VPS39: variants seen among roughly 807,000 people sequenced by gnomAD.
VPS39 encodes the protein vam6/Vps39-like protein.
Under a neutral mutation model 121.0 loss-of-function variants are expected in VPS39, and 70 were observed. That is an observed-to-expected ratio of 0.58 (90% CI 0.48 to 0.71). The LOEUF is 0.71. Among genes scored for constraint, VPS39 ranks in the 30% least tolerant of loss-of-function variants. The pLI is 0.00. For missense variants in VPS39, 818 were observed against 1,051.5 expected (o/e 0.78, Z 3.07); for synonymous variants, 378 against 398.1 (o/e 0.95, Z 0.60).
intron 13 of VPS39, among the ~76,000 whole-genome samples, 180 bp downstream of exon 13, chr15:42,167,214 T>C (rs1316141217): frequency 2.6e-5 from 4 of 152,240 alleles, no homozygotes; most frequent in Admixed American, 2.6e-4. Flanking sequence ...CATTGATATC[T>C]TGCCCTATCC....
At chr15:42,181,131 C>T (rs992580594) in intron 8 of VPS39, among the ~76,000 whole-genome samples, 10 of 151,992 alleles carry the variant, frequency 6.6e-5, no homozygotes, top group African/African-American at 1.9e-4. Context: ...TATCCACGAA[C>T]GGATGGATAA....
At chr15:42,196,750 G>A (rs2049948914) in intron 2 of VPS39, among the ~76,000 whole-genome samples, 1 of 152,210 alleles carries the variant, frequency 6.6e-6, no homozygotes, top group African/African-American at 2.4e-5. Context: ...TTCAACCATT[G>A]TGGAAGACAG....
intron 1 of VPS39, among the ~76,000 whole-genome samples, chr15:42,206,348 G>C (rs2050170731): frequency 6.6e-6 from 1 of 152,192 alleles, no homozygotes; most frequent in Admixed American, 6.5e-5. Context: ...TGAAGCAGGA[G>C]GCAGTTAATG....
intron 11 of VPS39, 153 bp downstream of exon 11, chr15:42,173,570 G>T: frequency 1.1e-6 from 1 of 949,180 alleles, no homozygotes; most frequent in Non-Finnish European, 1.6e-6. Context: ...TGTAACCACT[G>T]TGGTCACCCC....
intron 17 of VPS39, 126 bp downstream of exon 17, chr15:42,165,592 A>C (rs1488563280): frequency 8.3e-6 from 6 of 725,526 alleles, no homozygotes; most frequent in Non-Finnish European, 1.4e-5. Context: ...GAGGAAGCTG[A>C]AATAACCCTC....
chr15:42,192,884 T>G (rs1000639469), intron 2 of VPS39, among the ~76,000 whole-genome samples: 12 of 152,182 alleles, frequency 7.9e-5, no homozygotes, highest in African/African-American at 2.9e-4. Flanking sequence ...GTTCAAGCAA[T>G]TCTCGTGCCC....
intron 2 of VPS39, among the ~76,000 whole-genome samples, chr15:42,192,873 G>C (rs1468971400): frequency 1.3e-5 from 2 of 152,010 alleles, no homozygotes; most frequent in Non-Finnish European, 2.9e-5. Flanking sequence ...CCACCTCCCG[G>C]GTTCAAGCAA....
intron 12 of VPS39, among the ~76,000 whole-genome samples, chr15:42,168,597 G>T (rs975736862): frequency 6.7e-6 from 1 of 149,708 alleles, no homozygotes; most frequent in Non-Finnish European, 1.5e-5. Flanking sequence ...AGGCTGAAGT[G>T]TAGTGGCGCA....
At chr15:42,185,623 A>T (rs934727808) in intron 7 of VPS39, among the ~76,000 whole-genome samples, 8 of 152,234 alleles carry the variant, frequency 5.3e-5, no homozygotes, top group African/African-American at 1.9e-4. Flanking sequence ...AAGTGAAAGA[A>T]GCCAGACTCA....
rs369317039 is a variant in VPS39, at chr15:42,159,163, G to A, written c.*1591C>T. Reference sequence around the variant, plus strand: ...GGGCTGCCCAGCCTCACAGGCCTGAGCAGAGTCTCCCACATCTGCGAATGG... The same window carrying A: ...GGGCTGCCCAGCCTCACAGGCCTGAACAGAGTCTCCCACATCTGCGAATGG... On this transcript the variant is annotated 3_prime_UTR_variant, in exon 25 of 25. Transcript: ENST00000318006. The A allele has an allele frequency of 6.6e-6, 1 of 152,402 alleles. No individual in the cohort carries two copies. Among genetic ancestry groups the A allele is most frequent in the African/African-American group, 2.4e-5 (1 of 41,582 alleles). The allele number at this position is 152,402 out of a possible 1,614,324, so 9.4% of individuals were successfully genotyped here.
At chr15:42,190,986 AC>A in intron 4 of VPS39, 138 bp downstream of exon 4, 1 of 887,166 alleles carries the variant, frequency 1.1e-6, no homozygotes, top group Non-Finnish European at 1.8e-6. Flanking sequence ...GCCTTTATTA[AC>A]CATGTACCCT....
chr15:42,164,654 C>T, intron 18 of VPS39, 168 bp from the exon 19 acceptor site: 1 of 1,436,816 alleles, frequency 7.0e-7, no homozygotes, highest in Middle Eastern at 2.6e-4. Flanking sequence ...CCATGTGGCC[C>T]CAAAACATCA....
At chr15:42,178,409 T>C (rs769234315) in intron 9 of VPS39, 41 bp downstream of exon 9, 3 of 1,613,944 alleles carry the variant, frequency 1.9e-6, no homozygotes, top group Non-Finnish European at 2.5e-6. Flanking sequence ...TTTACAACTT[T>C]GGGATAATAT....
chr15:42,175,432 A>G (rs1027841387), intron 10 of VPS39, among the ~76,000 whole-genome samples: 9 of 151,938 alleles, frequency 5.9e-5, no homozygotes, highest in African/African-American at 1.2e-4. Context: ...AAAGAAAGAA[A>G]AAAAACAGAA....
chr15:42,207,528 A>G (rs1007208861), intron 1 of VPS39, among the ~76,000 whole-genome samples: 1 of 152,314 alleles, frequency 6.6e-6, no homozygotes, highest in African/African-American at 2.4e-5. Flanking sequence ...GACACTTTGG[A>G]TATAAGGTAA....
Position 42,159,419 on chromosome 15 carries a change from C to CG in VPS39, c.*1334dup, listed in dbSNP as rs2049084485. The CG allele has an allele frequency of 6.6e-6, 1 of 152,292 alleles. No individual in the cohort carries two copies. The highest frequency in any genetic ancestry group is 1.5e-5 in the Non-Finnish European group (1 of 68,114). 9.4% of individuals were successfully genotyped at this position (152,292 alleles called of 1,614,324 possible). A position where few individuals can be genotyped will look rare whatever the true frequency, so the allele number is the denominator to read the frequency against. On this transcript the variant is annotated 3_prime_UTR_variant, in exon 25 of 25. Coordinates refer to ENST00000318006, the MANE Select transcript of VPS39 (RefSeq NM_015289.5). ...TGAGACTTCGAGTCTGCAAAAACCC[C>CG]GGGGAGGACAGGAGGCAGGGCCACT...
At chr15:42,181,711 CT>C (rs765125799) in intron 8 of VPS39, among the ~76,000 whole-genome samples, 3,280 of 145,392 alleles carry the variant, frequency 0.023, 60 homozygotes, top group African/African-American at 0.053. Context: ...TCTAATTATC[CT>C]TTTTTTTTTT....
In VPS39 at chr15:42,158,743, G is replaced by A. The variant is rs959637716; in HGVS notation, c.*2011C>T. ...TTTATTAGGTTTATTATAAGGAGCA[G>A]TGATGAGATCTTTATCAGTCCTCAC... On this transcript the variant is annotated 3_prime_UTR_variant, in exon 25 of 25. Coordinates refer to ENST00000318006, the MANE Select transcript of VPS39 (RefSeq NM_015289.5). 6.6e-6 allele frequency: 1 copy of A among 152,214 alleles called. No homozygotes were observed. The highest frequency in any genetic ancestry group is 1.5e-5 in the Non-Finnish European group (1 of 68,034). The allele number at this position is 152,214 out of a possible 1,614,324, so 9.4% of individuals were successfully genotyped here.
chr15:42,207,544 C>T (rs746911618), intron 1 of VPS39, among the ~76,000 whole-genome samples: 4 of 152,136 alleles, frequency 2.6e-5, no homozygotes, highest in Non-Finnish European at 5.9e-5. Context: ...GGTAATCAAC[C>T]GCTTGGCTAG....
Sources: allele counts gnomAD v4.1 joint callset (sites outside exome capture counted in the v4.1 genomes callset), GRCh38; gene constraint gnomAD v4.1.1; transcripts MANE v1.5; gene names NCBI Gene and HGNC (gene_info 2026-07-23, HGNC 2026-07-21).